Variants in CNTNAP4 observed in about 807,000 individuals in gnomAD.
CNTNAP4 encodes contactin associated protein family member 4.
In CNTNAP4, 98 loss-of-function variants were observed where a neutral mutation model predicts 148.4. The observed-to-expected ratio is 0.66, with a 90% CI of 0.56 to 0.78. CNTNAP4 has a LOEUF of 0.78. Among genes scored for constraint, CNTNAP4 ranks in the 30% least tolerant of loss-of-function variants. The probability of loss-of-function intolerance (pLI) is 0.00; values close to 1 mark genes in which losing one functional copy is unlikely to be tolerated. For missense variants in CNTNAP4, 1,935 were observed against 1,565.6 expected (o/e 1.24, Z -3.98); for synonymous variants, 730 against 565.1 (o/e 1.29, Z -4.14).
intron 12 of CNTNAP4, among the ~76,000 whole-genome samples, chr16:76,485,643 A>C (rs1231528748): frequency 2.6e-5 from 4 of 152,156 alleles, no homozygotes; most frequent in Non-Finnish European, 4.4e-5. Context: ...TAAGTTTAGA[A>C]CACAAGGTCT....
At chr16:76,361,114 C>T (rs1038132115) in intron 3 of CNTNAP4, among the ~76,000 whole-genome samples, 16 of 151,942 alleles carry the variant, frequency 1.1e-4, no homozygotes, top group East Asian at 5.8e-4. Flanking sequence ...TGAGGCACCG[C>T]GCCCGGCCCA....
At chr16:76,428,820 C>T (rs2079513901) in intron 4 of CNTNAP4, among the ~76,000 whole-genome samples, 1 of 152,066 alleles carries the variant, frequency 6.6e-6, no homozygotes, top group Non-Finnish European at 1.5e-5. Context: ...GCACCGTTTC[C>T]TTAGTGCTTA....
At position 76,477,022 on chromosome 16, in the gene CNTNAP4, C is replaced by T. The variant is rs138592251; in HGVS notation, c.1762+977C>T. On this transcript the variant is annotated intron_variant, in intron 11 of 23. Transcript: ENST00000611870. ...ATCTAGTATTTTCTATGTCCTAACT[C>T]GTTTAATTCTGATGCTCACCCTAGT... is the stretch of plus-strand genomic sequence containing the variant. Among the ~76,000 whole-genome samples, 170 of 151,932 alleles carry T rather than the reference C, an allele frequency of 1.1e-3. 2 individuals carry two copies. The East Asian group carries it at 0.028, about 25-fold the overall frequency.
intron 13 of CNTNAP4, among the ~76,000 whole-genome samples, chr16:76,492,690 T>C (rs547680733): frequency 1.3e-5 from 2 of 152,324 alleles, no homozygotes; most frequent in Admixed American, 6.5e-5. Context: ...TGAGATCTTA[T>C]GGTTTTATAA....
intron 11 of CNTNAP4, among the ~76,000 whole-genome samples, chr16:76,477,322 C>G (rs149489640): frequency 6.6e-6 from 1 of 152,096 alleles, no homozygotes; most frequent in African/African-American, 2.4e-5. Flanking sequence ...CCATTTCCCC[C>G]CCATTTTTTC....
At chr16:76,546,052 T>A (rs926871673) in intron 21 of CNTNAP4, among the ~76,000 whole-genome samples, 21 of 149,624 alleles carry the variant, frequency 1.4e-4, no homozygotes, top group Non-Finnish European at 2.7e-4. Context: ...AAAGAAAAAC[T>A]AAAAAGTGCC....
At chr16:76,425,186 C>A (rs1440711456) in intron 3 of CNTNAP4, among the ~76,000 whole-genome samples, 1 of 152,056 alleles carries the variant, frequency 6.6e-6, no homozygotes, top group African/African-American at 2.4e-5. Context: ...ATTTGTTCTG[C>A]AAAACAACAG....
At chr16:76,473,605 C>G (rs2081448049) in intron 10 of CNTNAP4, among the ~76,000 whole-genome samples, 2 of 152,044 alleles carry the variant, frequency 1.3e-5, no homozygotes, top group South Asian at 4.1e-4. Flanking sequence ...AGCCCCGTCT[C>G]TACTAAAAAA....
chr16:76,452,758 A>T lies in CNTNAP4; in HGVS notation c.1322A>T (p.Asp441Val), dbSNP rs752884883. 1.9e-6 allele frequency: 3 copies of T among 1,584,364 alleles called. No individual in the cohort carries two copies. The South Asian group carries it at 3.5e-5, about 18-fold the overall frequency. Reference sequence around the variant, plus strand: ...TACCAGCCAGGAAAATTACCCAGTGACATCACAGCAGGTAATAAATGTATT... The same window carrying T: ...TACCAGCCAGGAAAATTACCCAGTGTCATCACAGCAGGTAATAAATGTATT... ...NLYQPGKLPS[D>V]ITAGVELNDG... is the part of the protein sequence containing the mutation. Residue 441 changes from aspartate to valine, a missense_variant, in exon 8 of 24, where the codon GAC becomes GTC. Asp to Val is a radical substitution (Grantham distance 152). Coordinates refer to ENST00000611870, the MANE Select transcript of CNTNAP4 (RefSeq NM_033401.5).
intron 15 of CNTNAP4, among the ~76,000 whole-genome samples, chr16:76,502,505 C>A (rs1041238802): frequency 1.3e-5 from 2 of 151,874 alleles, no homozygotes; most frequent in South Asian, 4.2e-4. Context: ...ATCAGGACTA[C>A]ACATTGAATA....
At chr16:76,405,995 C>A (rs1319614464) in intron 3 of CNTNAP4, among the ~76,000 whole-genome samples, 1 of 151,890 alleles carries the variant, frequency 6.6e-6, no homozygotes. Context: ...GCAGGCAGAT[C>A]GCTTGAGCTC....
intron 3 of CNTNAP4, among the ~76,000 whole-genome samples, chr16:76,381,064 C>T (rs1449022366): frequency 1.3e-5 from 2 of 152,178 alleles, no homozygotes; most frequent in East Asian, 3.8e-4. Context: ...TTTCCCATTA[C>T]CAGTTACACA....
chr16:76,364,493 C>T (rs1454544884), intron 3 of CNTNAP4, among the ~76,000 whole-genome samples: 1 of 152,086 alleles, frequency 6.6e-6, no homozygotes, highest in African/African-American at 2.4e-5. Context: ...ATTTTTAAAA[C>T]ACTTGATAAC....
rs1460944488 is a variant in CNTNAP4, at chr16:76,522,698, TTTC to T, written c.2755+444_2755+446del. On this transcript the variant is annotated intron_variant, in intron 17 of 23. Transcript: ENST00000611870. The stretch of plus-strand genomic sequence containing the variant: ...TCTCTCTTTCTCTCCTTTCTTTTCT[TTTC>T]TTTTCTTTTCTTTTCTTTTCTTTTC... 2.1e-3 allele frequency among the ~76,000 whole-genome samples: 29 copies of T among 13,578 alleles called. 1 individual carries two copies. Among genetic ancestry groups the T allele is most frequent in the Non-Finnish European group, 3.0e-3 (24 of 8,040 alleles). The allele number at this position is 13,578 out of a possible 152,430, so 8.9% of individuals were successfully genotyped here. A position where few individuals can be genotyped will look rare whatever the true frequency, so the allele number is the denominator to read the frequency against.
intron 4 of CNTNAP4, among the ~76,000 whole-genome samples, chr16:76,443,306 A>C (rs1034629772): frequency 5.9e-5 from 9 of 152,170 alleles, no homozygotes; most frequent in Non-Finnish European, 1.0e-4. Flanking sequence ...TTCAGATTTC[A>C]CATTTTTCCT....
At chr16:76,503,336 C>G (rs2082723204) in intron 15 of CNTNAP4, among the ~76,000 whole-genome samples, 1 of 152,008 alleles carries the variant, frequency 6.6e-6, no homozygotes, top group Non-Finnish European at 1.5e-5. Context: ...ATTTTAATGG[C>G]AAATCAGGTT....
At chr16:76,311,383 A>T (rs1961090811) in intron 1 of CNTNAP4, among the ~76,000 whole-genome samples, 1 of 152,154 alleles carries the variant, frequency 6.6e-6, no homozygotes, top group Admixed American at 6.5e-5. Context: ...TCATGTAAAG[A>T]GTAAATGGTG....
intron 15 of CNTNAP4, among the ~76,000 whole-genome samples, chr16:76,517,128 C>G (rs2144061742): frequency 6.6e-6 from 1 of 152,074 alleles, no homozygotes; most frequent in East Asian, 1.9e-4. Flanking sequence ...ATATTTTATG[C>G]TTTTATTTGA....
chr16:76,395,670 A>G (rs545346978), intron 3 of CNTNAP4, among the ~76,000 whole-genome samples: 2 of 152,166 alleles, frequency 1.3e-5, no homozygotes, highest in African/African-American at 2.4e-5. Context: ...AGGCAGTTCT[A>G]TTTTGGTCAC....
Sources: allele counts gnomAD v4.1 joint callset (sites outside exome capture counted in the v4.1 genomes callset), GRCh38; gene constraint gnomAD v4.1.1; transcripts MANE v1.5; gene names NCBI Gene and HGNC (gene_info 2026-07-23, HGNC 2026-07-21).